The following NUTM2G variants were observed in gnomAD, a reference collection of about 807,000 sequenced individuals.
NUTM2G encodes the protein family with sequence similarity 22, member G.
Under a neutral mutation model 44.3 loss-of-function variants are expected in NUTM2G, and 29 were observed. That is an observed-to-expected ratio of 0.66 (90% confidence interval 0.49 to 0.89). The LOEUF (loss-of-function observed/expected upper bound fraction) is 0.89, where lower values mean the gene tolerates loss of function less well. Ranked by LOEUF, NUTM2G falls within the 40% of genes least tolerant of loss-of-function variation. The probability of loss-of-function intolerance (pLI) is 0.00; values close to 1 mark genes in which losing one functional copy is unlikely to be tolerated. For synonymous variants in NUTM2G, 205 were observed against 395.9 expected (o/e 0.52, Z 5.72); for missense variants, 502 against 946.5 (o/e 0.53, Z 6.16).
chr9:96,940,946 G>C (rs1216193292), downstream of NUTM2G, among the ~76,000 whole-genome samples: 2 of 152,004 alleles, frequency 1.3e-5, no homozygotes, highest in East Asian at 3.9e-4. Flanking sequence ...GGCACAACAG[G>C]CCCTTGGGGA....
chr9:96,940,011 A>AC (rs1826557016), downstream of NUTM2G: 1 of 85,140 alleles, frequency 1.2e-5, no homozygotes, highest in African/African-American at 5.3e-5. Context: ...GAGCTCCCCC[A>AC]ACAGCTATGA....
chr9:96,935,491 G>T (rs1826399004), intron 3 of NUTM2G, 35 bp downstream of exon 3: 1 of 1,611,824 alleles, frequency 6.2e-7, no homozygotes, highest in Non-Finnish European at 8.5e-7. Context: ...GGCCCGTGTG[G>T]CGGGGTGAGA....
At chr9:96,940,490 C>T (rs41306453), downstream of NUTM2G, among the ~76,000 whole-genome samples, 763 of 150,464 alleles carry the variant, frequency 5.1e-3, no homozygotes, top group Non-Finnish European at 7.3e-3. Flanking sequence ...TACCCCTAAC[C>T]CACCTCTCAG....
intron 2 of NUTM2G, 127 bp from the exon 3 acceptor site, chr9:96,935,200 TG>T (rs1826387145): frequency 6.8e-7 from 1 of 1,468,072 alleles, no homozygotes; most frequent in Admixed American, 2.0e-5. Flanking sequence ...GGAGCCCACA[TG>T]GGGGAGAACA....
Position 96,939,321 on chromosome 9 carries a change from GAACGGGGAGGGCAGGAAGGGAGGGCCT to G in NUTM2G, c.*173_*199del. ...GAAGGAGGGGAGGGAGAAGGTGGCTGAACGGGGAGGGCAGGAAGGGAGGGCCTGGGGGGTGGGAAGCAGTGCCTTGGG... is the reference window on the plus strand; with the variant it reads ...GAAGGAGGGGAGGGAGAAGGTGGCTGGGGGGGTGGGAAGCAGTGCCTTGGG... On this transcript the variant is annotated 3_prime_UTR_variant, in exon 7 of 7. Transcript: ENST00000372322. The G allele has an allele frequency of 5.3e-6, 1 of 188,636 alleles. No individual in the cohort carries two copies. The highest frequency in any genetic ancestry group is 8.9e-6 in the Non-Finnish European group (1 of 112,980). 11.7% of individuals were successfully genotyped at this position (188,636 alleles called of 1,614,324 possible). A position where few individuals can be genotyped will look rare whatever the true frequency, so the allele number is the denominator to read the frequency against.
At chr9:96,932,978 CTTTTTTTTTTTT>C (rs573653882) in intron 2 of NUTM2G, among the ~76,000 whole-genome samples, 1 of 129,430 alleles carries the variant, frequency 7.7e-6, no homozygotes. Context: ...CTTTTCTTTT[CTTTTTTTTTTTT>C]TTTTTGAGAT....
rs371927858 is a variant in NUTM2G at position 96,937,380 on chromosome 9, T to C, written c.1299T>C (p.Cys433=). ...TCCTGAGCTACATTGACAAGCTGTG[T>C]TCCCAGGAAGACTTTGTCACCAAGG... The part of the protein sequence containing the change: ...PGLLSYIDKL[C]SQEDFVTKVE... The change falls in exon 5 of 7, where the codon TGT becomes TGC. Residue 433 remains cysteine, a synonymous_variant. Transcript: ENST00000372322. 2,574 of 1,613,768 alleles carry C rather than the reference T, an allele frequency of 1.6e-3. 56 individuals carry two copies. In the African/African-American group the frequency reaches 0.03, roughly 19 times the overall value.
chr9:96,930,765 A>G (rs1387350242), intron 1 of NUTM2G, among the ~76,000 whole-genome samples: 1 of 142,336 alleles, frequency 7.0e-6, no homozygotes, highest in Non-Finnish European at 1.5e-5. Context: ...CCTATTTAAC[A>G]CTTGTGTGGG....
chr9:96,936,212 T>C (rs986795121), intron 3 of NUTM2G, among the ~76,000 whole-genome samples: 26 of 150,706 alleles, frequency 1.7e-4, no homozygotes, highest in African/African-American at 5.9e-4. Flanking sequence ...GGAAGCCCCA[T>C]TGATGCCATG....
intron 3 of NUTM2G, 64 bp from the exon 4 acceptor site, chr9:96,936,361 G>A (rs1228110267): frequency 1.3e-6 from 2 of 1,540,460 alleles, no homozygotes; most frequent in South Asian, 1.2e-5. Context: ...CTCGGCTGCT[G>A]CCTGGTCCTG....
chr9:96,930,861 T>TC (rs1826216320), intron 1 of NUTM2G, among the ~76,000 whole-genome samples: 1 of 147,104 alleles, frequency 6.8e-6, no homozygotes, highest in Non-Finnish European at 1.5e-5. Flanking sequence ...TGGGCGAGTT[T>TC]CCATCCAGTG....
At chr9:96,931,373 A>G (rs1338244101) in intron 1 of NUTM2G, among the ~76,000 whole-genome samples, 4 of 148,518 alleles carry the variant, frequency 2.7e-5, no homozygotes, top group African/African-American at 1.0e-4. Flanking sequence ...GCACACTGAG[A>G]GCCACCAAGC....
At chr9:96,932,636 G>A (rs1436305586) in intron 2 of NUTM2G, among the ~76,000 whole-genome samples, 1 of 151,934 alleles carries the variant, frequency 6.6e-6, no homozygotes, top group Non-Finnish European at 1.5e-5. Flanking sequence ...TGTCCCGTGA[G>A]TCCAGCCAAT....
rs1278741284 is a variant in NUTM2G, at chr9:96,932,115, CT to C, written c.411del (p.Ala138ProfsTer114). On this transcript the variant is annotated frameshift_variant, in exon 2 of 7. Coordinates refer to ENST00000372322, the MANE Select transcript of NUTM2G (RefSeq NM_001170741.3). LOFTEE classifies it high-confidence loss of function. Reference sequence around the variant, plus strand: ...GCTGCTCCTGGGGTGCCCGTTACCTCTGCCCAGGTGGTTGGGGGCACCCAGG... The same window carrying C: ...GCTGCTCCTGGGGTGCCCGTTACCTCGCCCAGGTGGTTGGGGGCACCCAGG... ...LAAAPGVPVT[S>X]AQVVGGTQAC... 2 of 1,494,900 alleles carry C rather than the reference CT, an allele frequency of 1.3e-6. No homozygotes were observed. The highest frequency in any genetic ancestry group is 2.9e-5 in the African/African-American group (2 of 68,168). The allele number at this position is 1,494,900 out of a possible 1,614,324, so 92.6% of individuals were successfully genotyped here.
intron 2 of NUTM2G, among the ~76,000 whole-genome samples, chr9:96,933,136 C>T (rs1266629247): frequency 2.6e-5 from 4 of 151,496 alleles, no homozygotes; most frequent in African/African-American, 9.7e-5. Context: ...CGCCACCATG[C>T]CCGGCTAATT....
At chr9:96,929,235 G>A (rs1826167635) in intron 1 of NUTM2G, among the ~76,000 whole-genome samples, 195 bp downstream of exon 1, 1 of 152,144 alleles carries the variant, frequency 6.6e-6, no homozygotes, top group Admixed American at 6.5e-5. Context: ...CTTAGAGGCG[G>A]ACCAAGATGC....
At position 96,938,604 on chromosome 9, in the gene NUTM2G, G is replaced by A; in HGVS notation, c.1681G>A (p.Ala561Thr). The stretch of plus-strand genomic sequence containing the variant: ...TGGCATGGCCAGGTCCGAAGACCCT[G>A]CTGTGCTTTTGGGATGTCAGGACTC... ...RTGMARSEDP[A>T]VLLGCQDSPR... Residue 561 changes from alanine (A) to threonine (T), a missense_variant, in exon 7 of 7, where the codon GCT becomes ACT. By Grantham distance (58) the Ala-to-Thr change is moderately conservative. Transcript: ENST00000372322. 6.2e-7 allele frequency: 1 copy of A among 1,607,742 alleles called. No individual in the cohort carries two copies. Among genetic ancestry groups the A allele is most frequent in the Non-Finnish European group, 8.5e-7 (1 of 1,179,564 alleles).
downstream of NUTM2G, among the ~76,000 whole-genome samples, chr9:96,940,962 T>C (rs1339614920): frequency 6.6e-6 from 1 of 151,458 alleles, no homozygotes; most frequent in Non-Finnish European, 1.5e-5. Context: ...GGGGAAAATG[T>C]GGGGAGTGAA....
chr9:96,934,188 A>T (rs1296645113), intron 2 of NUTM2G, among the ~76,000 whole-genome samples: 1 of 152,108 alleles, frequency 6.6e-6, no homozygotes, highest in Non-Finnish European at 1.5e-5. Flanking sequence ...CAACATCAGC[A>T]TCTGGGAGAG....
Sources: gnomAD v4.1 joint callset for allele counts (sites outside exome capture counted in the v4.1 genomes callset) on GRCh38, gnomAD v4.1.1 for gene constraint, MANE v1.5 for transcripts, NCBI Gene and HGNC (gene_info 2026-07-23, HGNC 2026-07-21) for gene names.